Variants in SMYD3 observed in about 807,000 individuals in gnomAD.
SMYD3 encodes histone-lysine N-methyltransferase SMYD3.
In SMYD3, 36 loss-of-function variants were observed where a neutral mutation model predicts 57.7. The observed-to-expected ratio is 0.62, with a 90% CI of 0.48 to 0.82. The LOEUF (loss-of-function observed/expected upper bound fraction) is 0.82. SMYD3 is among the 40% of genes least tolerant of loss of function. The probability of loss-of-function intolerance (pLI) is 0.00; values close to 1 mark genes in which losing one functional copy is unlikely to be tolerated. For missense variants in SMYD3, 515 were observed against 538.8 expected, an observed-to-expected ratio of 0.96 and a Z score of 0.44; for synonymous variants, 211 against 195.0, an observed-to-expected ratio of 1.08 and a Z score of -0.68.
In SMYD3 at chr1:246,285,838, T is replaced by C. The variant is rs567719697; in HGVS notation, c.531+41363A>G. On this transcript the variant is annotated intron_variant, in intron 5 of 11. Coordinates refer to ENST00000490107, the MANE Select transcript of SMYD3 (RefSeq NM_001167740.2). ...CCAAAAAGTGGGCTAAGGATACGAA[T>C]AGACAATTCTCAAAAGAAGATATAA... Among the ~76,000 whole-genome samples, 15 of 152,114 alleles carry C rather than the reference T, an allele frequency of 9.9e-5. No individual in the cohort carries two copies. The South Asian group carries it at 1.5e-3, about 15-fold the overall frequency.
intron 5 of SMYD3, among the ~76,000 whole-genome samples, chr1:246,114,464 C>T (rs968048780): frequency 1.3e-5 from 2 of 152,172 alleles, no homozygotes; most frequent in African/African-American, 2.4e-5. Flanking sequence ...TGTACAACAT[C>T]CTGTTCCCAA....
rs148997834 is a variant in SMYD3, at chr1:245,920,244, C to T, written c.703-4604G>A. Among the ~76,000 whole-genome samples, 971 of 135,602 alleles carry T rather than the reference C, an allele frequency of 7.2e-3. 12 individuals carry two copies. The highest frequency in any genetic ancestry group is 0.025 in the African/African-American group (918 of 36,314). The allele number at this position is 135,602 out of a possible 152,430, so 89.0% of individuals were successfully genotyped here. A position where few individuals can be genotyped will look rare whatever the true frequency, so the allele number is the denominator to read the frequency against. On this transcript the variant is annotated intron_variant, in intron 7 of 11. Transcript: ENST00000490107. ...AGGAGGATGGCGTGAACTCGGGAGG[C>T]GGAGCTTGCAGTGAGACGAGATCAT...
Position 246,120,854 on chromosome 1 carries a change from G to A in SMYD3, c.532-190917C>T, listed in dbSNP as rs539796354. On this transcript the variant is annotated intron_variant, in intron 5 of 11. Transcript: ENST00000490107. ...CTAGGCTGTGAGATCCAGAAGGGCA[G>A]GGAGCACGTATCACACAAGCTGGTA... is the stretch of plus-strand genomic sequence containing the variant. 1.9e-3 allele frequency among the ~76,000 whole-genome samples: 296 copies of A among 152,258 alleles called. 3 individuals carry two copies. Among genetic ancestry groups the A allele is most frequent in the African/African-American group, 6.2e-3 (257 of 41,548 alleles).
intron 5 of SMYD3, among the ~76,000 whole-genome samples, chr1:246,122,375 C>T (rs1389436746): frequency 6.6e-6 from 1 of 152,174 alleles, no homozygotes; most frequent in Non-Finnish European, 1.5e-5. Flanking sequence ...GCCAAGGTCG[C>T]ACCACTGCAC....
chr1:246,454,491 C>T (rs2067673443), intron 1 of SMYD3, among the ~76,000 whole-genome samples: 2 of 152,096 alleles, frequency 1.3e-5, no homozygotes, highest in South Asian at 4.1e-4. Flanking sequence ...GAATAAAAAT[C>T]TAAGGAGCAA....
intron 1 of SMYD3, among the ~76,000 whole-genome samples, chr1:246,490,327 CA>C (rs1249848051): frequency 1.3e-5 from 2 of 152,098 alleles, no homozygotes; most frequent in Non-Finnish European, 2.9e-5. Context: ...GAGTCAGTTT[CA>C]AAAAATACTC....
chr1:245,925,287 C>T (rs2056291054), intron 7 of SMYD3, among the ~76,000 whole-genome samples: 1 of 152,098 alleles, frequency 6.6e-6, no homozygotes, highest in African/African-American at 2.4e-5. Flanking sequence ...GTGTAATGAT[C>T]AAGTGATGGT....
intron 5 of SMYD3, among the ~76,000 whole-genome samples, chr1:246,108,964 T>C (rs898109392): frequency 6.6e-6 from 1 of 152,210 alleles, no homozygotes; most frequent in Non-Finnish European, 1.5e-5. Context: ...GTAGTCTTCT[T>C]TGACACTAGG....
At chr1:246,127,930 G>A (rs531200593) in intron 5 of SMYD3, among the ~76,000 whole-genome samples, 10 of 126,278 alleles carry the variant, frequency 7.9e-5, no homozygotes, top group Admixed American at 2.3e-4. Flanking sequence ...AGAAAAATAC[G>A]AAAAGGAGAG....
chr1:245,863,353 C>T (rs369003412), intron 9 of SMYD3, among the ~76,000 whole-genome samples: 15 of 152,130 alleles, frequency 9.9e-5, no homozygotes, highest in Admixed American at 8.5e-4. Context: ...GAAAATGTGT[C>T]GTGCAGCAAT....
chr1:245,852,139 G>A (rs2051007605), intron 10 of SMYD3, among the ~76,000 whole-genome samples: 1 of 152,248 alleles, frequency 6.6e-6, no homozygotes, highest in Non-Finnish European at 1.5e-5. Context: ...TTGTTCAAAT[G>A]CCTGAGGTGA....
chr1:246,377,545 T>C (rs1459255880), intron 1 of SMYD3, among the ~76,000 whole-genome samples: 1 of 151,896 alleles, frequency 6.6e-6, no homozygotes, highest in East Asian at 1.9e-4. Context: ...AATTTTGTAT[T>C]TTTAGTAGAG....
intron 10 of SMYD3, among the ~76,000 whole-genome samples, chr1:245,764,844 G>C (rs1383918262): frequency 6.6e-6 from 1 of 152,078 alleles, no homozygotes; most frequent in Non-Finnish European, 1.5e-5. Context: ...ACCAAAGAAA[G>C]AGGACGCACA....
intron 5 of SMYD3, among the ~76,000 whole-genome samples, chr1:245,999,853 C>G (rs10157026): frequency 0.64 from 97,447 of 152,112 alleles, 34,721 homozygotes; most frequent in Non-Finnish European, 0.8. Context: ...ATAAAATCTG[C>G]TTTAAAATCC....
At chr1:246,005,867 C>A (rs553536061) in intron 5 of SMYD3, among the ~76,000 whole-genome samples, 42 of 152,196 alleles carry the variant, frequency 2.8e-4, no homozygotes, top group Non-Finnish European at 5.4e-4. Flanking sequence ...AGAACCAGCA[C>A]ACATATGGAG....
intron 5 of SMYD3, among the ~76,000 whole-genome samples, chr1:246,153,118 C>T: frequency 6.6e-6 from 1 of 152,146 alleles, no homozygotes; most frequent in East Asian, 1.9e-4. Flanking sequence ...AAGCACCAAG[C>T]CTCTGCGTGT....
rs113348746 is a variant in SMYD3, at chr1:246,056,123, G to A, written c.532-126186C>T. Reference sequence around the variant, plus strand: ...ATCTTGATTGTGACTGTGGCTTCATGGGTATATAAAACTGTCAAAATTCAT... The same window carrying A: ...ATCTTGATTGTGACTGTGGCTTCATAGGTATATAAAACTGTCAAAATTCAT... On this transcript the variant is annotated intron_variant, in intron 5 of 11. Coordinates refer to ENST00000490107, the MANE Select transcript of SMYD3 (RefSeq NM_001167740.2). Among the ~76,000 whole-genome samples, 80 of 152,188 alleles carry A rather than the reference G, an allele frequency of 5.3e-4. 1 individual carries two copies. The highest frequency in any genetic ancestry group is 1.9e-3 in the African/African-American group (78 of 41,522).
chr1:246,107,148 G>A (rs1201903695), intron 5 of SMYD3, among the ~76,000 whole-genome samples: 4 of 147,216 alleles, frequency 2.7e-5, no homozygotes, highest in East Asian at 4.1e-4. Context: ...TTAGCCAGGC[G>A]TGGTGGCAGG....
chr1:246,173,875 T>C (rs2062387395), intron 5 of SMYD3, among the ~76,000 whole-genome samples: 2 of 152,156 alleles, frequency 1.3e-5, no homozygotes, highest in African/African-American at 2.4e-5. Context: ...AGCGGGATCA[T>C]AGCTCACATA....
Sources: gnomAD v4.1 joint callset for allele counts (sites outside exome capture counted in the v4.1 genomes callset) on GRCh38, gnomAD v4.1.1 for gene constraint, MANE v1.5 for transcripts, NCBI Gene and HGNC (gene_info 2026-07-23, HGNC 2026-07-21) for gene names.